SPATA16: variants seen among roughly 807,000 people sequenced by gnomAD.
SPATA16 encodes the protein spermatogenesis-associated protein 16.
In SPATA16, 36 loss-of-function variants were observed where a neutral mutation model predicts 63.3. That is an observed-to-expected ratio of 0.57 (90% CI 0.44 to 0.75). SPATA16 has a LOEUF of 0.75. Among genes scored for constraint, SPATA16 ranks in the 30% least tolerant of loss-of-function variants. SPATA16 has a pLI of 0.00. For missense variants in SPATA16, 646 were observed against 679.3 expected, an observed-to-expected ratio of 0.95 and a Z score of 0.54; for synonymous variants, 203 against 216.7, an observed-to-expected ratio of 0.94 and a Z score of 0.56.
intron 4 of SPATA16, among the ~76,000 whole-genome samples, chr3:172,983,367 T>G (rs948722915): frequency 6.6e-6 from 1 of 152,076 alleles, no homozygotes; most frequent in African/African-American, 2.4e-5. Flanking sequence ...TGTGGTTGCT[T>G]TTCCAATTTA....
chr3:173,010,166 C>T (rs1392362739), intron 4 of SPATA16, among the ~76,000 whole-genome samples: 2 of 152,230 alleles, frequency 1.3e-5, no homozygotes, highest in Non-Finnish European at 2.9e-5. Flanking sequence ...TCTGCCTCAC[C>T]TGAGCACTCT....
At chr3:173,104,816 C>T (rs978000306) in intron 2 of SPATA16, among the ~76,000 whole-genome samples, 5 of 152,078 alleles carry the variant, frequency 3.3e-5, no homozygotes, top group African/African-American at 1.2e-4. Context: ...TTGACTTATT[C>T]CCTCTCTCTA....
intron 2 of SPATA16, among the ~76,000 whole-genome samples, chr3:173,091,319 A>G (rs1253527057): frequency 1.3e-5 from 2 of 148,292 alleles, no homozygotes; most frequent in East Asian, 2.0e-4. Context: ...GTCAAATATA[A>G]TCATTAATTT....
At chr3:172,905,297 A>G (rs1430232593) in intron 10 of SPATA16, among the ~76,000 whole-genome samples, 3 of 152,180 alleles carry the variant, frequency 2.0e-5, no homozygotes, top group African/African-American at 7.2e-5. Context: ...TGCTTTGCAA[A>G]TGAATGGTAC....
intron 4 of SPATA16, among the ~76,000 whole-genome samples, chr3:172,995,024 G>T (rs775390806): frequency 8.5e-5 from 13 of 152,048 alleles, no homozygotes; most frequent in Non-Finnish European, 1.6e-4. Context: ...TGAGGGGAAA[G>T]ATCTGAGAAT....
intron 8 of SPATA16, among the ~76,000 whole-genome samples, chr3:172,922,250 C>T (rs1295885997): frequency 2.0e-5 from 3 of 152,184 alleles, no homozygotes; most frequent in African/African-American, 4.8e-5. Flanking sequence ...TTCATTAAAA[C>T]TCTTTGAAAC....
intron 2 of SPATA16, among the ~76,000 whole-genome samples, chr3:173,096,315 G>C (rs753982617): frequency 6.6e-6 from 1 of 152,054 alleles, no homozygotes; most frequent in Non-Finnish European, 1.5e-5. Flanking sequence ...AGAATTACCA[G>C]AATTACATAG....
intron 4 of SPATA16, among the ~76,000 whole-genome samples, chr3:173,017,082 A>T (rs558380504): frequency 6.6e-6 from 1 of 152,174 alleles, no homozygotes; most frequent in East Asian, 1.9e-4. Flanking sequence ...AGCTGCTAAG[A>T]TACACTACGA....
chr3:173,098,335 G>A (rs960287916), intron 2 of SPATA16, among the ~76,000 whole-genome samples: 6 of 152,136 alleles, frequency 3.9e-5, no homozygotes, highest in African/African-American at 7.2e-5. Context: ...CCACGTGCAC[G>A]CATTTGGTAT....
At chr3:172,907,153 T>C (rs1207304419) in intron 10 of SPATA16, among the ~76,000 whole-genome samples, 1 of 152,236 alleles carries the variant, frequency 6.6e-6, no homozygotes, top group Non-Finnish European at 1.5e-5. Context: ...ATCCTTATTT[T>C]ACATGAGAAC....
chr3:173,057,947 T>C (rs546814843), intron 2 of SPATA16, among the ~76,000 whole-genome samples: 1 of 152,318 alleles, frequency 6.6e-6, no homozygotes, highest in East Asian at 1.9e-4. Context: ...AACTAGTTCT[T>C]CATGACAGAT....
intron 1 of SPATA16, among the ~76,000 whole-genome samples, chr3:173,133,644 T>C (rs1167022506): frequency 6.6e-6 from 1 of 152,152 alleles, no homozygotes; most frequent in Non-Finnish European, 1.5e-5. Flanking sequence ...TAAATCTGTC[T>C]TCAGTGAATA....
At chr3:173,062,893 C>A (rs761700751) in intron 2 of SPATA16, among the ~76,000 whole-genome samples, 3 of 152,144 alleles carry the variant, frequency 2.0e-5, no homozygotes, top group Non-Finnish European at 4.4e-5. Context: ...ATATACAGTT[C>A]ACAATAGGGT....
At chr3:172,981,735 T>C (rs1014971052) in intron 4 of SPATA16, among the ~76,000 whole-genome samples, 17 of 152,242 alleles carry the variant, frequency 1.1e-4, no homozygotes, top group Non-Finnish European at 2.9e-5. Context: ...GTTTATTTTG[T>C]TTGTATTAGT....
In SPATA16 at chr3:172,976,820, C is replaced by T. The variant is rs375895158; in HGVS notation, c.933+148G>A. The stretch of plus-strand genomic sequence containing the variant: ...AGAATTAGTCTTAGAAAATCTACTT[C>T]GTTATGAATACATTATTATTCAGTA... On this transcript the variant is annotated intron_variant, in intron 5 of 10. Transcript: ENST00000351008. 1.7e-4 allele frequency: 116 copies of T among 690,182 alleles called. 1 individual carries two copies. The highest frequency in any genetic ancestry group is 1.3e-3 in the Admixed American group (60 of 45,732). The allele number at this position is 690,182 out of a possible 1,614,324, so 42.8% of individuals were successfully genotyped here.
chr3:173,010,727 AT>A (rs1688722216), intron 4 of SPATA16, among the ~76,000 whole-genome samples: 1 of 151,962 alleles, frequency 6.6e-6, no homozygotes, highest in South Asian at 2.1e-4. Context: ...CGGCCTGAGC[AT>A]TTCAATGGTG....
At chr3:173,090,980 A>C (rs1337319524) in intron 2 of SPATA16, among the ~76,000 whole-genome samples, 1 of 152,078 alleles carries the variant, frequency 6.6e-6, no homozygotes, top group Non-Finnish European at 1.5e-5. Flanking sequence ...TGACATCTTA[A>C]TGTTGGTTTC....
intron 10 of SPATA16, among the ~76,000 whole-genome samples, chr3:172,908,608 A>G (rs988604712): frequency 6.6e-6 from 1 of 152,226 alleles, no homozygotes; most frequent in Non-Finnish European, 1.5e-5. Context: ...TTATAGACCT[A>G]TAGCAAAGTA....
chr3:173,049,109 G>C lies in SPATA16; in HGVS notation c.613-15C>G. 1 of 1,602,564 alleles carries C rather than the reference G, an allele frequency of 6.2e-7. No homozygotes were observed. Among genetic ancestry groups the C allele is most frequent in the Non-Finnish European group, 8.5e-7 (1 of 1,173,644 alleles). On this transcript the variant is annotated splice_polypyrimidine_tract_variant and intron_variant, in intron 2 of 10. Transcript: ENST00000351008. ...TTGCTGCAAAGCTTTAAAAAATATA[G>C]TACTTTCAACATCTTAATAATCTTT...
Sources: allele counts gnomAD v4.1 joint callset (sites outside exome capture counted in the v4.1 genomes callset), GRCh38; gene constraint gnomAD v4.1.1; transcripts MANE v1.5; gene names NCBI Gene and HGNC (gene_info 2026-07-23, HGNC 2026-07-21).